PAPPA2: variants seen among roughly 807,000 people sequenced by gnomAD.
PAPPA2 encodes pappalysin 2.
Under a neutral mutation model 176.4 loss-of-function variants are expected in PAPPA2, and 86 were observed. The observed-to-expected ratio is 0.49, with a 90% confidence interval of 0.41 to 0.58. PAPPA2 has a LOEUF of 0.58. Among genes scored for constraint, PAPPA2 ranks in the 20% least tolerant of loss-of-function variants. The pLI, the probability that PAPPA2 is intolerant of heterozygous loss-of-function variation, is 0.00. For synonymous variants in PAPPA2, 809 were observed against 852.2 expected, an observed-to-expected ratio of 0.95 and a Z score of 0.88; for missense variants, 2,073 against 2,256.9, an observed-to-expected ratio of 0.92 and a Z score of 1.65.
chr1:176,529,801 TTGCCTTTTTTATCAGC>T (rs1248762511), intron 1 of PAPPA2, among the ~76,000 whole-genome samples: 2 of 152,146 alleles, frequency 1.3e-5, no homozygotes, highest in Non-Finnish European at 2.9e-5. Context: ...AGATGGCCAC[TTGCCTTTTTTATCAGC>T]AAGTTTGCAT....
At position 176,636,233 on chromosome 1, in the gene PAPPA2, G is replaced by A. The variant is rs1008323227; in HGVS notation, c.1992-34737G>A. Among the ~76,000 whole-genome samples the A allele has an allele frequency of 5.3e-5, 8 of 152,106 alleles. No homozygotes were observed. In the South Asian group the frequency reaches 1.7e-3, roughly 31 times the overall value. ...GCTCAATTTGCAGAGATAATTATAA[G>A]ATGTTAAGAAGTATTGACTGCCCAT... On this transcript the variant is annotated intron_variant, in intron 3 of 22. Coordinates refer to ENST00000367662, the MANE Select transcript of PAPPA2 (RefSeq NM_020318.3).
At chr1:176,648,412 T>C (rs1258547286) in intron 3 of PAPPA2, among the ~76,000 whole-genome samples, 1 of 151,586 alleles carries the variant, frequency 6.6e-6, no homozygotes, top group Non-Finnish European at 1.5e-5. Context: ...CTTTCTAGTT[T>C]GGATGCCCTT....
intron 14 of PAPPA2, 35 bp downstream of exon 14, chr1:176,740,231 T>A (rs926879212): frequency 6.3e-7 from 1 of 1,575,470 alleles, no homozygotes; most frequent in Admixed American, 1.7e-5. Flanking sequence ...TGTTTCCTTT[T>A]CTTGTGGCTC....
intron 3 of PAPPA2, among the ~76,000 whole-genome samples, chr1:176,603,897 C>A (rs759225902): frequency 6.6e-6 from 1 of 152,172 alleles, no homozygotes; most frequent in Admixed American, 6.5e-5. Flanking sequence ...TTCCTCTCCC[C>A]CTAATTCTCC....
chr1:176,786,078 G>A (rs1383595472), intron 17 of PAPPA2, among the ~76,000 whole-genome samples: 1 of 152,138 alleles, frequency 6.6e-6, no homozygotes, highest in African/African-American at 2.4e-5. Context: ...TCTGTGGGAG[G>A]TGGTAGAAAG....
rs182946018 is a variant in PAPPA2, at chr1:176,769,666, C to T, written c.4383C>T (p.Pro1461=). Residue 1461 remains proline (P), a synonymous_variant, in exon 16 of 23, where the codon CCC becomes CCT. Transcript: ENST00000367662. The part of the protein sequence containing the change: ...GHWDQNVSCL[P]VDCGVPDPSL... ...GGGACCAGAATGTGAGCTGCCTTCC[C>T]GTGGACTGCGGTGTTCCCGACCCGT... 5,914 of 1,613,912 alleles carry T rather than the reference C, an allele frequency of 3.7e-3. 23 individuals carry two copies. The highest frequency in any genetic ancestry group is 4.0e-3 in the Non-Finnish European group (4,675 of 1,179,952).
intron 2 of PAPPA2, among the ~76,000 whole-genome samples, chr1:176,565,152 A>G (rs240093): frequency 0.52 from 78,713 of 152,024 alleles, 23,399 homozygotes; most frequent in East Asian, 0.93. Flanking sequence ...TGCATATACT[A>G]CATTTTGTGT....
chr1:176,834,423 T>C (rs570830332), intron 21 of PAPPA2, among the ~76,000 whole-genome samples: 7 of 152,190 alleles, frequency 4.6e-5, no homozygotes, highest in African/African-American at 1.4e-4. Context: ...AGTGGAAGAG[T>C]TGAACAACGA....
At chr1:176,795,813 CA>C (rs961222113) in intron 20 of PAPPA2, among the ~76,000 whole-genome samples, 7 of 152,174 alleles carry the variant, frequency 4.6e-5, no homozygotes, top group Admixed American at 1.3e-4. Flanking sequence ...AATAGGTTTG[CA>C]AAGAGCCTTT....
At chr1:176,810,295 A>G (rs1301246759) in intron 21 of PAPPA2, among the ~76,000 whole-genome samples, 1 of 152,152 alleles carries the variant, frequency 6.6e-6, no homozygotes, top group Non-Finnish European at 1.5e-5. Context: ...AAGTGACAGC[A>G]GTTGAAACCT....
At chr1:176,833,343 G>C (rs1015786564) in intron 21 of PAPPA2, among the ~76,000 whole-genome samples, 2 of 152,210 alleles carry the variant, frequency 1.3e-5, no homozygotes, top group Non-Finnish European at 2.9e-5. Context: ...ATCATAATGT[G>C]ATTGTGTCAT....
At chr1:176,611,667 A>G (rs76169949) in intron 3 of PAPPA2, among the ~76,000 whole-genome samples, 3,019 of 152,288 alleles carry the variant, frequency 0.02, 99 homozygotes, top group African/African-American at 0.067. Context: ...TGTCCTATGC[A>G]GTAGTAACCT....
chr1:176,723,415 GT>G (rs1661715537), intron 12 of PAPPA2, among the ~76,000 whole-genome samples: 1 of 151,914 alleles, frequency 6.6e-6, no homozygotes, highest in Admixed American at 6.5e-5. Context: ...AGAAAATGTA[GT>G]CTTCACAAAT....
At chr1:176,529,675 C>T (rs538989219) in intron 1 of PAPPA2, among the ~76,000 whole-genome samples, 6 of 152,230 alleles carry the variant, frequency 3.9e-5, no homozygotes, top group Non-Finnish European at 4.4e-5. Flanking sequence ...GTTGCATTCT[C>T]CATCCCAAAC....
chr1:176,675,735 A>T (rs1659254517), intron 4 of PAPPA2, among the ~76,000 whole-genome samples: 1 of 152,118 alleles, frequency 6.6e-6, no homozygotes, highest in African/African-American at 2.4e-5. Flanking sequence ...AATGGCCGAG[A>T]ATCTTGCAAA....
At chr1:176,609,416 G>A (rs1397178128) in intron 3 of PAPPA2, among the ~76,000 whole-genome samples, 2 of 147,350 alleles carry the variant, frequency 1.4e-5, no homozygotes, top group Non-Finnish European at 3.0e-5. Flanking sequence ...GTAGATCAAA[G>A]GCCAGACAGT....
At chr1:176,746,168 C>T (rs111723798) in intron 14 of PAPPA2, among the ~76,000 whole-genome samples, 1 of 152,276 alleles carries the variant, frequency 6.6e-6, no homozygotes, top group African/African-American at 2.4e-5. Flanking sequence ...CAATGTCTCT[C>T]CAGTGCCATC....
intron 2 of PAPPA2, among the ~76,000 whole-genome samples, chr1:176,576,020 TTCTC>T (rs551533642): frequency 2.6e-4 from 39 of 152,308 alleles, no homozygotes; most frequent in African/African-American, 9.1e-4. Flanking sequence ...ACTGTACTCT[TTCTC>T]TATTATAAAT....
chr1:176,769,019 G>A (rs564637234), intron 15 of PAPPA2, among the ~76,000 whole-genome samples: 6 of 152,192 alleles, frequency 3.9e-5, no homozygotes, highest in Admixed American at 6.5e-5. Context: ...ATCACAAGGC[G>A]ATGGTGCAGT....
Sources: allele counts gnomAD v4.1 joint callset (sites outside exome capture counted in the v4.1 genomes callset), GRCh38; gene constraint gnomAD v4.1.1; transcripts MANE v1.5; gene names NCBI Gene and HGNC (gene_info 2026-07-23, HGNC 2026-07-21).